The following TTLL11 variants were observed in gnomAD, a reference collection of about 807,000 sequenced individuals.
TTLL11 encodes the protein tubulin tyrosine ligase like 11, also known as tubulin polyglutamylase TTLL11.
In TTLL11, 42 loss-of-function variants were observed where a neutral mutation model predicts 51.7. That is an observed-to-expected ratio of 0.81 (90% CI 0.64 to 1.05). TTLL11 has a LOEUF of 1.05. Among genes scored for constraint, TTLL11 ranks in the 50% least tolerant of loss-of-function variants. The pLI is 0.00. For synonymous variants in TTLL11, 381 were observed against 383.5 expected, an observed-to-expected ratio of 0.99 and a Z score of 0.08; for missense variants, 799 against 940.4, an observed-to-expected ratio of 0.85 and a Z score of 1.97.
At chr9:121,880,182 T>C (rs949159759) in intron 6 of TTLL11, among the ~76,000 whole-genome samples, 6 of 152,122 alleles carry the variant, frequency 3.9e-5, no homozygotes, top group Admixed American at 1.3e-4. Context: ...GTAGATGAAT[T>C]GGCTGGTGCT....
chr9:121,969,975 G>A (rs1170350662), intron 6 of TTLL11, among the ~76,000 whole-genome samples: 1 of 152,076 alleles, frequency 6.6e-6, no homozygotes, highest in African/African-American at 2.4e-5. Flanking sequence ...CACACTTTAT[G>A]GATTACAAAG....
chr9:121,994,644 C>T (rs1395222982), intron 3 of TTLL11, among the ~76,000 whole-genome samples: 1 of 152,152 alleles, frequency 6.6e-6, no homozygotes, highest in Non-Finnish European at 1.5e-5. Context: ...GGAGGAAGAT[C>T]AGGCCTAGCT....
chr9:121,882,393 T>C (rs889673796), intron 6 of TTLL11, among the ~76,000 whole-genome samples: 11 of 152,184 alleles, frequency 7.2e-5, no homozygotes, highest in Admixed American at 6.5e-4. Context: ...GCCCACATAC[T>C]GTTCTCTCAA....
At chr9:121,963,200 G>A (rs1251995742) in intron 6 of TTLL11, among the ~76,000 whole-genome samples, 1 of 152,190 alleles carries the variant, frequency 6.6e-6, no homozygotes, top group African/African-American at 2.4e-5. Context: ...TTACTACCAT[G>A]CTATACACGG....
chr9:122,025,789 T>C (rs1844314372), intron 3 of TTLL11, among the ~76,000 whole-genome samples: 1 of 152,216 alleles, frequency 6.6e-6, no homozygotes, highest in Non-Finnish European at 1.5e-5. Context: ...AATTCAATTT[T>C]TAAGCATTCA....
chr9:121,917,545 GAA>G (rs147085987), intron 6 of TTLL11, among the ~76,000 whole-genome samples: 7,028 of 125,004 alleles, frequency 0.056, 572 homozygotes, highest in African/African-American at 0.19. Flanking sequence ...AAGGAAGGAA[GAA>G]AAAGAAAAAG....
chr9:121,946,696 C>T (rs996830300), intron 6 of TTLL11, among the ~76,000 whole-genome samples: 2 of 152,194 alleles, frequency 1.3e-5, no homozygotes, highest in Admixed American at 1.3e-4. Context: ...GGTCCTCAAA[C>T]GTGATTTGCA....
intron 6 of TTLL11, among the ~76,000 whole-genome samples, chr9:121,961,262 T>A (rs902865226): frequency 4.6e-5 from 7 of 152,208 alleles, no homozygotes; most frequent in African/African-American, 1.7e-4. Flanking sequence ...CCCTTTCAGC[T>A]TACACATATT....
intron 6 of TTLL11, among the ~76,000 whole-genome samples, chr9:121,934,311 C>A (rs1458412715): frequency 5.9e-5 from 9 of 152,128 alleles, no homozygotes; most frequent in African/African-American, 1.9e-4. Flanking sequence ...CCATGCCAAA[C>A]TATATAACGT....
At chr9:121,891,959 G>T (rs1375582818) in intron 6 of TTLL11, among the ~76,000 whole-genome samples, 1 of 144,676 alleles carries the variant, frequency 6.9e-6, no homozygotes, top group African/African-American at 2.5e-5. Context: ...ATATATATGA[G>T]ATATATATAT....
At chr9:121,877,775 G>A (rs1838624114) in intron 6 of TTLL11, among the ~76,000 whole-genome samples, 2 of 152,196 alleles carry the variant, frequency 1.3e-5, no homozygotes, top group Admixed American at 6.5e-5. Context: ...TACAGATGAG[G>A]AAACCAAGGC....
rs1056278896 is a variant in TTLL11 at position 121,821,072 on chromosome 9, C to A, written c.*1515G>T. On this transcript the variant is annotated 3_prime_UTR_variant, in exon 9 of 9. Coordinates refer to ENST00000321582, the MANE Select transcript of TTLL11 (RefSeq NM_001139442.2). The surrounding 1 kb of genome is among the most constrained non-coding windows in gnomAD (Gnocchi z 5.0). ...CCCCTGCTCTGAAATCGCTTGCCAA[C>A]AATTGGAGACATCTTGGATTAACAA... 6.6e-6 allele frequency among the ~76,000 whole-genome samples: 1 copy of A among 152,016 alleles called. No individual in the cohort carries two copies. The highest frequency in any genetic ancestry group is 1.5e-5 in the Non-Finnish European group (1 of 68,004).
chr9:121,991,479 T>C (rs567301145), intron 3 of TTLL11, among the ~76,000 whole-genome samples: 44 of 152,190 alleles, frequency 2.9e-4, no homozygotes, highest in Non-Finnish European at 5.0e-4. Flanking sequence ...ACCAAAGCAT[T>C]CGTACACTTG....
chr9:122,025,399 G>A (rs879467991), intron 3 of TTLL11, among the ~76,000 whole-genome samples: 5 of 152,228 alleles, frequency 3.3e-5, no homozygotes, highest in East Asian at 1.9e-4. Context: ...TTTGGAGGCC[G>A]AGGCAGGTGG....
intron 1 of TTLL11, among the ~76,000 whole-genome samples, chr9:122,066,532 G>C (rs895487731): frequency 6.6e-6 from 1 of 152,130 alleles, no homozygotes; most frequent in Non-Finnish European, 1.5e-5. Flanking sequence ...CCTGAGAATT[G>C]CTGGATCCAT....
intron 4 of TTLL11, among the ~76,000 whole-genome samples, chr9:121,981,327 T>C (rs1842824559): frequency 6.6e-6 from 1 of 152,160 alleles, no homozygotes; most frequent in Admixed American, 6.5e-5. Context: ...TTCTTCAGTG[T>C]CTAATTTGCT....
rs1312452297 is a variant in TTLL11 at position 122,000,877 on chromosome 9, C to T, written c.694-11107G>A. ...CCCTCTCCTGGGGTCTGGATCAGGA[C>T]CCGTTTCTGGTTACACTTTAAAATG... On this transcript the variant is annotated intron_variant, in intron 3 of 8. Coordinates refer to ENST00000321582, the MANE Select transcript of TTLL11 (RefSeq NM_001139442.2). 2.0e-5 allele frequency among the ~76,000 whole-genome samples: 3 copies of T among 152,136 alleles called. No homozygotes were observed. The East Asian group carries it at 5.8e-4, about 29-fold the overall frequency.
intron 1 of TTLL11, among the ~76,000 whole-genome samples, chr9:122,043,225 C>T (rs541936979): frequency 7.2e-4 from 109 of 151,828 alleles, no homozygotes; most frequent in Non-Finnish European, 1.1e-3. Flanking sequence ...TTGCTGTGAA[C>T]CAAAAATGCT....
chr9:122,064,582 A>G (rs1845524219), intron 1 of TTLL11, among the ~76,000 whole-genome samples: 1 of 152,238 alleles, frequency 6.6e-6, no homozygotes, highest in African/African-American at 2.4e-5. Flanking sequence ...ACTCTGAGTC[A>G]TTCACACTAC....
Sources: allele counts gnomAD v4.1 joint callset (sites outside exome capture counted in the v4.1 genomes callset), GRCh38; gene constraint gnomAD v4.1.1; non-coding constraint Gnocchi (gnomAD v3.1); transcripts MANE v1.5; gene names NCBI Gene and HGNC (gene_info 2026-07-23, HGNC 2026-07-21).